Variants in TLR8 observed in about 807,000 individuals in gnomAD.
TLR8 encodes toll-like receptor 8.
Under a neutral mutation model 18.5 loss-of-function variants are expected in TLR8, and 5 were observed. That is an observed-to-expected ratio of 0.27 (90% CI 0.14 to 0.57). The LOEUF is 0.57. TLR8 is among the 20% of genes least tolerant of loss of function. The pLI is 0.92. For synonymous variants in TLR8, 299 were observed against 300.1 expected (o/e 1.00, Z 0.04); for missense variants, 543 against 769.8 (o/e 0.71, Z 3.49).
chrX:12,921,334 CTA>C lies in TLR8; in HGVS notation c.2296_2297del (p.Met766ValfsTer9). On this transcript the variant is annotated frameshift_variant, in exon 2 of 2. Coordinates refer to ENST00000218032, the MANE Select transcript of TLR8 (RefSeq NM_138636.5). LOFTEE classifies it high-confidence loss of function. ...GAAACTAAGACCACCACCAAATTAT[CTA>C]TGTTGGAACTACACGGAAACCCCTT... 2 of 1,211,849 alleles carry C rather than the reference CTA, an allele frequency of 1.7e-6. No homozygotes were observed. Among genetic ancestry groups the C allele is most frequent in the Non-Finnish European group, 2.2e-6 (2 of 895,570 alleles).
At chrX:12,912,981 C>T (rs920687859) in intron 1 of TLR8, among the ~76,000 whole-genome samples, 2 of 112,106 alleles carry the variant, frequency 1.8e-5, no homozygotes, top group East Asian at 2.8e-4. Flanking sequence ...GATGGATCCT[C>T]TGGACCCGCC....
rs748329233 is a variant in TLR8, at chrX:12,921,722, T to A, written c.2682T>A (p.Thr894=). The A allele has an allele frequency of 8.3e-7, 1 of 1,211,508 alleles. No individual in the cohort carries two copies. Among genetic ancestry groups the A allele is most frequent in the Non-Finnish European group, 1.1e-6 (1 of 895,296 alleles). ...ATGACACCAAAGATGCCTCTGTTACTGACTGGGTGATAAATGAGCTGCGCT... is the reference window on the plus strand; with the variant it reads ...ATGACACCAAAGATGCCTCTGTTACAGACTGGGTGATAAATGAGCTGCGCT... The part of the protein sequence containing the change: ...ISYDTKDASV[T]DWVINELRYH... The change falls in exon 2 of 2, where the codon ACT becomes ACA. Residue 894 remains threonine, a synonymous_variant. Transcript: ENST00000218032.
At chrX:12,916,122 C>T (rs5744063) in intron 1 of TLR8, among the ~76,000 whole-genome samples, 2,577 of 111,547 alleles carry the variant, frequency 0.023, 74 homozygotes, top group African/African-American at 0.079. Context: ...CTCAGGTGAT[C>T]GGCCCGCCTC....
At chrX:12,908,833 A>C (rs1437592095) in intron 1 of TLR8, among the ~76,000 whole-genome samples, 1 of 112,349 alleles carries the variant, frequency 8.9e-6, no homozygotes, top group Non-Finnish European at 1.9e-5. Flanking sequence ...ACTGCAGATA[A>C]GAGTGAGGGC....
Position 12,922,298 on chromosome X carries a change from A to C in TLR8, c.*132A>C, listed in dbSNP as rs1336456798. 10 of 888,105 alleles carry C rather than the reference A, an allele frequency of 1.1e-5. No homozygotes were observed. The East Asian group carries it at 3.2e-4, about 28-fold the overall frequency. 73.2% of individuals were successfully genotyped at this position (888,105 alleles called of 1,213,427 possible). A position where few individuals can be genotyped will look rare whatever the true frequency, so the allele number is the denominator to read the frequency against. On this transcript the variant is annotated 3_prime_UTR_variant, in exon 2 of 2. Coordinates refer to ENST00000218032, the MANE Select transcript of TLR8 (RefSeq NM_138636.5). ...TAAAACAACACATTTGCTGGCCCAC[A>C]GTTTTTGAGGGTCAGGAGTCCAGGC...
At position 12,913,452 on chromosome X, in the gene TLR8, A is replaced by T. The variant is rs1158420699; in HGVS notation, c.4-5592A>T. Among the ~76,000 whole-genome samples, 4 of 112,834 alleles carry T rather than the reference A, an allele frequency of 3.5e-5. No homozygotes were observed. The Admixed American group carries it at 3.7e-4, about 11-fold the overall frequency. On this transcript the variant is annotated intron_variant, in intron 1 of 1. Coordinates refer to ENST00000218032, the MANE Select transcript of TLR8 (RefSeq NM_138636.5). ...CTGGTTTGTTCATTGTTTTATCTGC[A>T]ACTCAAATACAGTTCCTGAAATAAA...
At chrX:12,914,005 T>G (rs942877131) in intron 1 of TLR8, among the ~76,000 whole-genome samples, 25 of 112,318 alleles carry the variant, frequency 2.2e-4, no homozygotes, top group African/African-American at 7.8e-4. Flanking sequence ...GTCTTTTCAT[T>G]AATGCATATA....
At chrX:12,912,667 A>G (rs1031851630) in intron 1 of TLR8, among the ~76,000 whole-genome samples, 2 of 113,007 alleles carry the variant, frequency 1.8e-5, no homozygotes, top group African/African-American at 6.4e-5. Context: ...TTGTCGACTC[A>G]TGTTTCTTAC....
At position 12,909,296 on chromosome X, in the gene TLR8, T is replaced by G. The variant is rs774072388; in HGVS notation, c.3+2587T>G. On this transcript the variant is annotated intron_variant, in intron 1 of 1. Coordinates refer to ENST00000218032, the MANE Select transcript of TLR8 (RefSeq NM_138636.5). ...CTTTCTGAAAATATTATGCATTTGT[T>G]TTTTAGCCCATCAGCTACTGTTAGT... 6.6e-4 allele frequency among the ~76,000 whole-genome samples: 74 copies of G among 112,275 alleles called. 1 individual carries two copies. The highest frequency in any genetic ancestry group is 1.2e-3 in the Admixed American group (13 of 10,617).
intron 1 of TLR8, chrX:12,910,324 T>C: frequency 8.6e-7 from 1 of 1,162,137 alleles, no homozygotes. Context: ...GACACTTCAG[T>C]GTTAGGGAAC....
At chrX:12,915,367 C>T (rs1342690263) in intron 1 of TLR8, among the ~76,000 whole-genome samples, 1 of 111,971 alleles carries the variant, frequency 8.9e-6, no homozygotes, top group East Asian at 2.8e-4. Context: ...GATCTCGCCA[C>T]ATGGCCCAGT....
In TLR8 at chrX:12,920,766, C is replaced by CAT. The variant is rs1333366131; in HGVS notation, c.1727_1728dup (p.Leu577IlefsTer2). 1 of 1,207,639 alleles carries CAT rather than the reference C, an allele frequency of 8.3e-7. No homozygotes were observed. Among genetic ancestry groups the CAT allele is most frequent in the Non-Finnish European group, 1.1e-6 (1 of 893,698 alleles). On this transcript the variant is annotated frameshift_variant, in exon 2 of 2. Coordinates refer to ENST00000218032, the MANE Select transcript of TLR8 (RefSeq NM_138636.5). LOFTEE classifies it low-confidence loss of function (END_TRUNC). ...TTTCAGAATAGCAGGCGTAACACAT[C>CAT]ATCTAGAATTTATTCAAAATTTCAC...
chrX:12,914,749 G>C (rs950180160), intron 1 of TLR8, among the ~76,000 whole-genome samples: 1 of 111,773 alleles, frequency 8.9e-6, no homozygotes, highest in African/African-American at 3.3e-5. Flanking sequence ...TCTCATGACT[G>C]AAGTTCTGTG....
chrX:12,922,329 A>G lies in TLR8; in HGVS notation c.*163A>G. 1.6e-6 allele frequency: 1 copy of G among 612,186 alleles called. No homozygotes were observed. Among genetic ancestry groups the G allele is most frequent in the Non-Finnish European group, 2.5e-6 (1 of 406,741 alleles). 50.5% of individuals were successfully genotyped at this position (612,186 alleles called of 1,213,427 possible). On this transcript the variant is annotated 3_prime_UTR_variant, in exon 2 of 2. Coordinates refer to ENST00000218032, the MANE Select transcript of TLR8 (RefSeq NM_138636.5). ...TGAGGGTCAGGAGTCCAGGCCCAGC[A>G]TAACTGGGTCCTCTGCTCAGGGTGT...
At chrX:12,910,709 T>C (rs2043015161) in intron 1 of TLR8, among the ~76,000 whole-genome samples, 1 of 111,801 alleles carries the variant, frequency 8.9e-6, no homozygotes, top group South Asian at 3.7e-4. Context: ...TTTAAAAACG[T>C]GTTTGGTGGC....
chrX:12,922,445 G>C lies in TLR8; in HGVS notation c.*279G>C, dbSNP rs5744088. On this transcript the variant is annotated 3_prime_UTR_variant, in exon 2 of 2. Coordinates refer to ENST00000218032, the MANE Select transcript of TLR8 (RefSeq NM_138636.5). ...TGTTTTCTGGATTCAATTCCTCCTG[G>C]GCTATTGGCCAAAGGCTATACTCAT... 50,418 of 306,213 alleles carry C rather than the reference G, an allele frequency of 0.16. 3,155 individuals carry two copies. Among genetic ancestry groups the C allele is most frequent in the Admixed American group, 0.25 (4,360 of 17,552 alleles). The allele number at this position is 306,213 out of a possible 1,213,427, so 25.2% of individuals were successfully genotyped here.
intron 1 of TLR8, among the ~76,000 whole-genome samples, chrX:12,909,505 T>C (rs2043006404): frequency 9.0e-6 from 1 of 111,499 alleles, no homozygotes; most frequent in Non-Finnish European, 1.9e-5. Context: ...GAGCTGCTAG[T>C]TGGTGTGTAT....
chrX:12,915,089 G>A (rs930845261), intron 1 of TLR8, among the ~76,000 whole-genome samples: 3 of 111,956 alleles, frequency 2.7e-5, no homozygotes, highest in Admixed American at 9.5e-5. Flanking sequence ...TACATATTTC[G>A]AAACATCATG....
At position 12,919,533 on chromosome X, in the gene TLR8, G is replaced by A. The variant is rs2043079511; in HGVS notation, c.493G>A (p.Gly165Ser). Residue 165 changes from glycine (G) to serine (S), a missense_variant, in exon 2 of 2, where the codon GGC becomes AGC. Physicochemically the swap from Gly to Ser is moderately conservative, Grantham distance 56. Coordinates refer to ENST00000218032, the MANE Select transcript of TLR8 (RefSeq NM_138636.5). ...CAATATATACAACATAACTAAAGAG[G>A]GCATTTCAAGACTTATAAACTTGAA... Reference protein sequence around the residue: ...QNNIYNITKEGISRLINLKNL... With the variant: ...QNNIYNITKESISRLINLKNL... The A allele has an allele frequency of 2.5e-6, 3 of 1,205,043 alleles. No homozygotes were observed. The highest frequency in any genetic ancestry group is 3.0e-5 in the East Asian group (1 of 33,800).
Sources: gnomAD v4.1 joint callset for allele counts (sites outside exome capture counted in the v4.1 genomes callset) on GRCh38, gnomAD v4.1.1 for gene constraint, MANE v1.5 for transcripts, NCBI Gene and HGNC (gene_info 2026-07-23, HGNC 2026-07-21) for gene names.